The following KHDRBS2 variants were observed in gnomAD, a reference collection of about 807,000 sequenced individuals.
The protein encoded by KHDRBS2 is KH domain-containing, RNA-binding, signal transduction-associated protein 2.
KHDRBS2 carries 26 observed loss-of-function variants against 44.3 expected under a neutral mutation model. The ratio of observed to expected loss-of-function variants is 0.59; its 90% CI spans 0.43 to 0.81. The LOEUF (loss-of-function observed/expected upper bound fraction) is 0.81. Among genes scored for constraint, KHDRBS2 ranks in the 40% least tolerant of loss-of-function variants. The probability of loss-of-function intolerance (pLI) is 0.00; values close to 1 mark genes in which losing one functional copy is unlikely to be tolerated. For synonymous variants in KHDRBS2, 194 were observed against 151.1 expected (o/e 1.28, Z -2.08); for missense variants, 476 against 433.1 (o/e 1.10, Z -0.88).
At chr6:61,732,035 C>T (rs1774536930) in intron 7 of KHDRBS2, among the ~76,000 whole-genome samples, 1 of 151,948 alleles carries the variant, frequency 6.6e-6, no homozygotes, top group South Asian at 2.1e-4. Flanking sequence ...GGTGAAAATG[C>T]TCTATATCTT....
At chr6:62,059,513 A>C (rs1437244706) in intron 2 of KHDRBS2, among the ~76,000 whole-genome samples, 1 of 151,648 alleles carries the variant, frequency 6.6e-6, no homozygotes, top group Non-Finnish European at 1.5e-5. Context: ...AGTTGGAGGG[A>C]ATATGAAGAG....
chr6:62,221,649 A>C (rs1830914491), intron 1 of KHDRBS2, among the ~76,000 whole-genome samples: 1 of 152,170 alleles, frequency 6.6e-6, no homozygotes, highest in Non-Finnish European at 1.5e-5. Context: ...ACAAGAAGTG[A>C]AAACTGATGG....
chr6:61,980,110 T>A (rs753530295), intron 3 of KHDRBS2, among the ~76,000 whole-genome samples: 2 of 152,158 alleles, frequency 1.3e-5, no homozygotes, highest in Non-Finnish European at 2.9e-5. Flanking sequence ...CCTTGGAAGA[T>A]CATCATTTGC....
chr6:61,716,193 G>C (rs1463601673), intron 7 of KHDRBS2, among the ~76,000 whole-genome samples: 1 of 151,924 alleles, frequency 6.6e-6, no homozygotes. Flanking sequence ...AAGTGACATG[G>C]AGAGGACTGT....
At position 61,680,141 on chromosome 6, in the gene KHDRBS2, C is replaced by A. The variant is rs189801231; in HGVS notation, c.*822G>T. On this transcript the variant is annotated 3_prime_UTR_variant, in exon 9 of 9. Coordinates refer to ENST00000281156, the MANE Select transcript of KHDRBS2 (RefSeq NM_152688.4). The stretch of plus-strand genomic sequence containing the variant: ...AAATATCTTAAAACAGACTTGGGTT[C>A]ATTTTTGTAATTTTTAAATAGAAAA... 6.6e-6 allele frequency: 1 copy of A among 152,370 alleles called. No individual in the cohort carries two copies. Among genetic ancestry groups the A allele is most frequent in the African/African-American group, 2.4e-5 (1 of 41,502 alleles). The allele number at this position is 152,370 out of a possible 1,614,324, so 9.4% of individuals were successfully genotyped here.
the KHDRBS2 span, among the ~76,000 whole-genome samples, chr6:61,548,691 G>T: frequency 6.6e-6 from 1 of 152,006 alleles, no homozygotes. Context: ...GTGACTACTA[G>T]ATAGAGATTG....
At chr6:61,723,266 C>T (rs950845345) in intron 7 of KHDRBS2, among the ~76,000 whole-genome samples, 1 of 151,942 alleles carries the variant, frequency 6.6e-6, no homozygotes. Context: ...GTAGATAAGG[C>T]CACAAAGATG....
chr6:61,560,552 GCTCA>G, the KHDRBS2 span, among the ~76,000 whole-genome samples: 4 of 151,802 alleles, frequency 2.6e-5, no homozygotes, highest in African/African-American at 9.7e-5. Flanking sequence ...CTGTTCTTAA[GCTCA>G]CTAATTATTT....
intron 3 of KHDRBS2, among the ~76,000 whole-genome samples, chr6:61,998,516 A>G (rs1285677715): frequency 1.3e-5 from 2 of 152,162 alleles, no homozygotes; most frequent in Non-Finnish European, 2.9e-5. Flanking sequence ...GCCAAATTTC[A>G]TAGGATTTCT....
At chr6:61,772,999 C>T (rs959406211) in intron 6 of KHDRBS2, among the ~76,000 whole-genome samples, 4 of 152,244 alleles carry the variant, frequency 2.6e-5, no homozygotes, top group South Asian at 4.1e-4. Context: ...CATAGTATTC[C>T]GTGGTGTATA....
At chr6:61,563,776 G>A in the KHDRBS2 span, among the ~76,000 whole-genome samples, 1 of 152,078 alleles carries the variant, frequency 6.6e-6, no homozygotes, top group Non-Finnish European at 1.5e-5. Context: ...GTCATAGAAA[G>A]TACATTATAC....
intron 6 of KHDRBS2, among the ~76,000 whole-genome samples, chr6:61,855,604 C>T (rs577555015): frequency 1.4e-5 from 2 of 147,322 alleles, no homozygotes; most frequent in African/African-American, 4.9e-5. Context: ...CAAGGTTCAA[C>T]ATCAAGTATA....
chr6:61,837,377 C>T (rs1258406331), intron 6 of KHDRBS2, among the ~76,000 whole-genome samples: 4 of 151,988 alleles, frequency 2.6e-5, no homozygotes, highest in African/African-American at 9.7e-5. Flanking sequence ...CTTCCTTAGG[C>T]ACCAACAGCT....
At chr6:61,773,137 G>A (rs1003751138) in intron 6 of KHDRBS2, among the ~76,000 whole-genome samples, 22 of 151,216 alleles carry the variant, frequency 1.5e-4, no homozygotes, top group African/African-American at 4.1e-4. Flanking sequence ...ATGATTTATA[G>A]TCCTTTGGGT....
the KHDRBS2 span, among the ~76,000 whole-genome samples, chr6:61,674,700 G>T: frequency 1.5e-4 from 23 of 151,692 alleles, no homozygotes; most frequent in African/African-American, 4.6e-4. Context: ...CTTACTACAT[G>T]ATTTTTTTGC....
chr6:62,181,471 A>C (rs1822279736), intron 1 of KHDRBS2, among the ~76,000 whole-genome samples: 1 of 151,988 alleles, frequency 6.6e-6, no homozygotes, highest in Non-Finnish European at 1.5e-5. Flanking sequence ...CGTCAGAGAA[A>C]TGCAAATCAA....
intron 6 of KHDRBS2, among the ~76,000 whole-genome samples, chr6:61,820,119 CAGAA>C (rs1220533249): frequency 6.6e-6 from 1 of 151,962 alleles, no homozygotes; most frequent in Non-Finnish European, 1.5e-5. Context: ...TTGTCTGAGC[CAGAA>C]AGAAAGTTAA....
chr6:61,841,990 T>C (rs1486088310), intron 6 of KHDRBS2, among the ~76,000 whole-genome samples: 9 of 152,188 alleles, frequency 5.9e-5, no homozygotes, highest in Admixed American at 5.9e-4. Flanking sequence ...ACCACTTTTG[T>C]TCCTTCCTCA....
intron 6 of KHDRBS2, among the ~76,000 whole-genome samples, chr6:61,843,671 T>C (rs1462050675): frequency 2.6e-5 from 4 of 152,116 alleles, no homozygotes; most frequent in Admixed American, 1.3e-4. Context: ...AGCCTATTTA[T>C]ACTATTATTG....
Sources: allele counts gnomAD v4.1 joint callset (sites outside exome capture counted in the v4.1 genomes callset), GRCh38; gene constraint gnomAD v4.1.1; transcripts MANE v1.5; gene names NCBI Gene and HGNC (gene_info 2026-07-23, HGNC 2026-07-21).